DCC: variants seen among roughly 807,000 people sequenced by gnomAD.
The protein encoded by DCC is netrin receptor DCC.
In DCC, 58 loss-of-function variants were observed where a neutral mutation model predicts 172.5. The ratio of observed to expected loss-of-function variants is 0.34; its 90% CI spans 0.27 to 0.42. The LOEUF (loss-of-function observed/expected upper bound fraction) is 0.42, where lower values mean the gene tolerates loss of function less well. DCC is among the 10% of genes least tolerant of loss of function. DCC has a pLI of 1.00. For synonymous variants in DCC, 709 were observed against 644.5 expected (o/e 1.10, Z -1.52); for missense variants, 1,740 against 1,791.0 (o/e 0.97, Z 0.51).
At chr18:53,215,400 A>G in intron 11 of DCC, 148 bp from the exon 12 acceptor site, 4 of 716,448 alleles carry the variant, frequency 5.6e-6, no homozygotes, top group South Asian at 3.1e-5. Context: ...CATCTCTCCA[A>G]AAATTTTTGA....
At chr18:52,856,638 A>AG (rs1555673735) in intron 2 of DCC, among the ~76,000 whole-genome samples, 3 of 150,236 alleles carry the variant, frequency 2.0e-5, no homozygotes, top group Admixed American at 6.6e-5. Flanking sequence ...AAAAAAAAAA[A>AG]AAAAAGAAAA....
At chr18:53,274,403 T>A (rs1295751576) in intron 12 of DCC, among the ~76,000 whole-genome samples, 4 of 152,176 alleles carry the variant, frequency 2.6e-5, no homozygotes, top group Non-Finnish European at 4.4e-5. Context: ...ACAACTTTGC[T>A]ATGTAAGCAG....
At chr18:53,108,816 T>G (rs1480657805) in intron 7 of DCC, among the ~76,000 whole-genome samples, 1 of 151,588 alleles carries the variant, frequency 6.6e-6, no homozygotes, top group African/African-American at 2.4e-5. Flanking sequence ...CATAATTTAC[T>G]TATGCGTTCT....
intron 5 of DCC, among the ~76,000 whole-genome samples, chr18:52,966,911 C>T (rs1311621369): frequency 6.6e-6 from 1 of 152,180 alleles, no homozygotes; most frequent in East Asian, 1.9e-4. Flanking sequence ...CGTTGACATG[C>T]GTCTTTCCTG....
chr18:53,208,105 GTTTT>G (rs141875005), intron 11 of DCC, among the ~76,000 whole-genome samples: 1 of 127,140 alleles, frequency 7.9e-6, no homozygotes, highest in Non-Finnish European at 1.7e-5. Flanking sequence ...CTCTGTAAAT[GTTTT>G]TTTTTTTTTT....
At chr18:52,575,211 T>C (rs556684006) in intron 1 of DCC, among the ~76,000 whole-genome samples, 2 of 152,326 alleles carry the variant, frequency 1.3e-5, no homozygotes, top group Admixed American at 1.3e-4. Flanking sequence ...ACCAGAACCA[T>C]CTTCTCTCTG....
intron 12 of DCC, among the ~76,000 whole-genome samples, chr18:53,267,031 G>A (rs1458708495): frequency 6.6e-6 from 1 of 150,792 alleles, no homozygotes; most frequent in African/African-American, 2.4e-5. Flanking sequence ...TTTCTTTTTG[G>A]TAGACAACTA....
chr18:52,640,060 A>T (rs977839308), intron 1 of DCC, among the ~76,000 whole-genome samples: 1 of 152,152 alleles, frequency 6.6e-6, no homozygotes, highest in Non-Finnish European at 1.5e-5. Context: ...ATGGTTTAAC[A>T]TACACAAGTC....
At chr18:53,128,868 C>CATATATATATAT (rs1461421322) in intron 7 of DCC, among the ~76,000 whole-genome samples, 5 of 57,416 alleles carry the variant, frequency 8.7e-5, no homozygotes, top group Non-Finnish European at 1.6e-4. Flanking sequence ...CACACACACA[C>CATATATATATAT]ACATATATAT....
At chr18:53,215,713 T>A (rs1598914372) in intron 12 of DCC, 116 bp downstream of exon 12, 1 of 847,754 alleles carries the variant, frequency 1.2e-6, no homozygotes, top group South Asian at 1.3e-5. Flanking sequence ...TGTGCAGAAA[T>A]GTTCTGGAAC....
At chr18:52,603,346 A>G (rs2034057146) in intron 1 of DCC, among the ~76,000 whole-genome samples, 1 of 152,050 alleles carries the variant, frequency 6.6e-6, no homozygotes, top group Admixed American at 6.6e-5. Flanking sequence ...TTTCTCATCC[A>G]TTAGACCGAG....
intron 5 of DCC, among the ~76,000 whole-genome samples, chr18:52,961,752 G>A (rs1046255153): frequency 6.6e-6 from 1 of 152,060 alleles, no homozygotes; most frequent in East Asian, 1.9e-4. Context: ...ACTGGTACCA[G>A]AACACAGATA....
chr18:52,541,897 G>GTATATATATATATA (rs1330162034), intron 1 of DCC, among the ~76,000 whole-genome samples: 94 of 43,386 alleles, frequency 2.2e-3, no homozygotes, highest in Middle Eastern at 0.019. Context: ...ATATATATAT[G>GTATATATATATATA]TGTATATATA....
intron 20 of DCC, among the ~76,000 whole-genome samples, chr18:53,414,715 G>T (rs1199751551): frequency 6.6e-6 from 1 of 152,078 alleles, no homozygotes. Flanking sequence ...AGGCGTGGTG[G>T]CACATGCCTG....
At chr18:52,415,416 AT>A (rs1416111876) in intron 1 of DCC, among the ~76,000 whole-genome samples, 1 of 152,184 alleles carries the variant, frequency 6.6e-6, no homozygotes, top group African/African-American at 2.4e-5. Context: ...GCCAATGCTA[AT>A]TGCCATTTGA....
At chr18:52,577,199 A>T (rs1257732281) in intron 1 of DCC, among the ~76,000 whole-genome samples, 1 of 152,234 alleles carries the variant, frequency 6.6e-6, no homozygotes, top group African/African-American at 2.4e-5. Context: ...GGCAGTTCCT[A>T]TTTCTGCACA....
intron 2 of DCC, among the ~76,000 whole-genome samples, chr18:52,789,420 G>A (rs559260176): frequency 1.3e-5 from 2 of 152,152 alleles, no homozygotes; most frequent in South Asian, 4.2e-4. Flanking sequence ...CTTTTTCTAG[G>A]AAAGCAAGAT....
chr18:52,926,985 A>G lies in DCC; in HGVS notation c.985+1615A>G, dbSNP rs1021296508. 1.4e-5 allele frequency among the ~76,000 whole-genome samples: 2 copies of G among 142,314 alleles called. 1 individual carries two copies. Among genetic ancestry groups the G allele is most frequent in the Non-Finnish European group, 3.1e-5 (2 of 64,286 alleles). The allele number at this position is 142,314 out of a possible 152,430, so 93.4% of individuals were successfully genotyped here. A position where few individuals can be genotyped will look rare whatever the true frequency, so the allele number is the denominator to read the frequency against. On this transcript the variant is annotated intron_variant, in intron 5 of 28. Coordinates refer to ENST00000442544, the MANE Select transcript of DCC (RefSeq NM_005215.4). ...TATGGATATATATACATATATATGG[A>G]TATATATTTTGTAATTTACACAATT...
At chr18:52,824,175 G>A (rs139985834) in intron 2 of DCC, among the ~76,000 whole-genome samples, 7 of 152,284 alleles carry the variant, frequency 4.6e-5, no homozygotes, top group East Asian at 3.9e-4. Context: ...TGAGAAATAC[G>A]CTGGTTTTCA....
Sources: gnomAD v4.1 joint callset for allele counts (sites outside exome capture counted in the v4.1 genomes callset) on GRCh38, gnomAD v4.1.1 for gene constraint, MANE v1.5 for transcripts, NCBI Gene and HGNC (gene_info 2026-07-23, HGNC 2026-07-21) for gene names.